Variants in NBAS observed in about 807,000 individuals in gnomAD.
NBAS encodes the protein NAG/BC035112 fusion.
Under a neutral mutation model 302.5 loss-of-function variants are expected in NBAS, and 219 were observed. The observed-to-expected ratio is 0.72, with a 90% confidence interval of 0.65 to 0.81. The LOEUF is 0.81. NBAS is among the 30% of genes least tolerant of loss of function. The pLI, the probability that NBAS is intolerant of heterozygous loss-of-function variation, is 0.00. For missense variants in NBAS, 2,932 were observed against 2,841.6 expected (o/e 1.03, Z -0.72); for synonymous variants, 1,118 against 1,021.6 (o/e 1.09, Z -1.80).
the NBAS span, among the ~76,000 whole-genome samples, chr2:14,874,746 A>G: frequency 6.8e-6 from 1 of 146,328 alleles, no homozygotes; most frequent in African/African-American, 2.7e-5. Flanking sequence ...ATAGATGTAA[A>G]AATTCTTACT....
At chr2:15,451,855 T>A (rs1679031345) in intron 21 of NBAS, among the ~76,000 whole-genome samples, 1 of 152,136 alleles carries the variant, frequency 6.6e-6, no homozygotes, top group South Asian at 2.1e-4. Flanking sequence ...TAATCTCCCA[T>A]CTCAAACTAG....
At chr2:15,222,730 T>C (rs1667001559) in intron 47 of NBAS, among the ~76,000 whole-genome samples, 2 of 152,190 alleles carry the variant, frequency 1.3e-5, no homozygotes, top group African/African-American at 4.8e-5. Flanking sequence ...GGCACCAATA[T>C]CTGAACTTGG....
chr2:15,324,843 T>C (rs1671990764), intron 38 of NBAS, among the ~76,000 whole-genome samples: 1 of 152,220 alleles, frequency 6.6e-6, no homozygotes, highest in African/African-American at 2.4e-5. Context: ...AGAACGTCAC[T>C]ATTTGCTTTA....
chr2:15,005,786 C>A, the NBAS span, among the ~76,000 whole-genome samples: 3 of 152,202 alleles, frequency 2.0e-5, no homozygotes, highest in Non-Finnish European at 2.9e-5. Flanking sequence ...TTCCATATTG[C>A]AGCTACCTGA....
chr2:15,114,268 T>C, the NBAS span, among the ~76,000 whole-genome samples: 1 of 152,124 alleles, frequency 6.6e-6, no homozygotes, highest in Non-Finnish European at 1.5e-5. Flanking sequence ...AAATTCAAGA[T>C]CAAAATGTTG....
At chr2:15,160,389 G>A in the NBAS span, among the ~76,000 whole-genome samples, 16 of 152,296 alleles carry the variant, frequency 1.1e-4, no homozygotes, top group East Asian at 5.8e-4. Flanking sequence ...AGATCCCTAC[G>A]CATGGACACA....
rs1665043390 is a variant in NBAS, at chr2:15,185,724, G to A, written c.6711+1018C>T. On this transcript the variant is annotated intron_variant, in intron 50 of 51. Coordinates refer to ENST00000281513, the MANE Select transcript of NBAS (RefSeq NM_015909.4). ...TGGTACTTTATTTTGTAGAATAATTGTGTCATTCTGGTAGTTGGAAGACTT... is the reference window on the plus strand; with the variant it reads ...TGGTACTTTATTTTGTAGAATAATTATGTCATTCTGGTAGTTGGAAGACTT... Among the ~76,000 whole-genome samples the A allele has an allele frequency of 1.3e-5, 2 of 152,052 alleles. 1 individual carries two copies. Among genetic ancestry groups the A allele is most frequent in the South Asian group, 4.1e-4 (2 of 4,826 alleles).
chr2:14,941,615 T>A, the NBAS span, among the ~76,000 whole-genome samples: 2 of 152,206 alleles, frequency 1.3e-5, no homozygotes, highest in African/African-American at 2.4e-5. Context: ...ACAGGGTGAC[T>A]GCTGTTCAGG....
At chr2:15,290,459 A>G (rs1191707671) in intron 41 of NBAS, among the ~76,000 whole-genome samples, 2 of 152,244 alleles carry the variant, frequency 1.3e-5, no homozygotes, top group Non-Finnish European at 1.5e-5. Context: ...TGCTTAACAA[A>G]GAAAATAAAG....
In NBAS at chr2:15,238,363, T is replaced by C; in HGVS notation, c.5943+105A>G. The C allele has an allele frequency of 2.7e-6, 3 of 1,129,414 alleles. No homozygotes were observed. In the South Asian group the frequency reaches 4.2e-5, roughly 16 times the overall value. 70.0% of individuals were successfully genotyped at this position (1,129,414 alleles called of 1,614,324 possible). A position where few individuals can be genotyped will look rare whatever the true frequency, so the allele number is the denominator to read the frequency against. Reference sequence around the variant, plus strand: ...GGCTTGCGGACAATTTTCAAGGATATCTGCAAGCCTGAAAACCCTGTCAAA... The same window carrying C: ...GGCTTGCGGACAATTTTCAAGGATACCTGCAAGCCTGAAAACCCTGTCAAA... On this transcript the variant is annotated intron_variant, in intron 45 of 51. Coordinates refer to ENST00000281513, the MANE Select transcript of NBAS (RefSeq NM_015909.4).
chr2:14,922,918 C>T, the NBAS span, among the ~76,000 whole-genome samples: 4 of 152,150 alleles, frequency 2.6e-5, no homozygotes, highest in Admixed American at 6.5e-5. Flanking sequence ...TTTGGGAGGC[C>T]GAGGTGGGTG....
the NBAS span, among the ~76,000 whole-genome samples, chr2:14,831,526 A>G: frequency 1.6e-4 from 25 of 152,274 alleles, no homozygotes; most frequent in African/African-American, 6.0e-4. Context: ...AATATATTAC[A>G]TAGTCATGCA....
rs1354701658 is a variant in NBAS at position 15,383,200 on chromosome 2, T to C, written c.3360+15A>G. ...TGTTAAATTAAAAAAAAATCGTATATGGTTCTAGAGTTACCTCATAGCAGG... is the reference window on the plus strand; with the variant it reads ...TGTTAAATTAAAAAAAAATCGTATACGGTTCTAGAGTTACCTCATAGCAGG... On this transcript the variant is annotated intron_variant, in intron 29 of 51. Transcript: ENST00000281513. The C allele has an allele frequency of 6.3e-7, 1 of 1,598,798 alleles. No individual in the cohort carries two copies. Among genetic ancestry groups the C allele is most frequent in the Non-Finnish European group, 8.6e-7 (1 of 1,167,630 alleles).
the NBAS span, among the ~76,000 whole-genome samples, chr2:14,949,162 C>T: frequency 6.6e-6 from 1 of 152,128 alleles, no homozygotes; most frequent in African/African-American, 2.4e-5. Flanking sequence ...AGGGAAAACA[C>T]TCCAGGACAC....
the NBAS span, among the ~76,000 whole-genome samples, chr2:14,883,477 T>G: frequency 2.0e-5 from 3 of 152,194 alleles, no homozygotes; most frequent in African/African-American, 7.2e-5. Flanking sequence ...GAAGGAGCTC[T>G]GAACTTGAAA....
chr2:14,789,044 C>A, the NBAS span, among the ~76,000 whole-genome samples: 2 of 152,206 alleles, frequency 1.3e-5, no homozygotes, highest in African/African-American at 4.8e-5. Flanking sequence ...TGGCGGGCGC[C>A]CCTCCCCCAG....
intron 47 of NBAS, among the ~76,000 whole-genome samples, chr2:15,226,634 C>G (rs940373051): frequency 6.6e-6 from 1 of 152,168 alleles, no homozygotes; most frequent in African/African-American, 2.4e-5. Flanking sequence ...ACTCAACTCT[C>G]ATGTCTAGAG....
chr2:14,842,796 A>C, the NBAS span, among the ~76,000 whole-genome samples: 1 of 151,892 alleles, frequency 6.6e-6, no homozygotes, highest in Admixed American at 6.6e-5. Context: ...AATACTTCCA[A>C]ACACATTCTA....
intron 21 of NBAS, among the ~76,000 whole-genome samples, chr2:15,430,385 G>GATA (rs1677701558): frequency 6.6e-6 from 1 of 152,048 alleles, no homozygotes; most frequent in African/African-American, 2.4e-5. Flanking sequence ...CAATGATGAT[G>GATA]ATAATAATAG....
Sources: allele counts gnomAD v4.1 joint callset (sites outside exome capture counted in the v4.1 genomes callset), GRCh38; gene constraint gnomAD v4.1.1; transcripts MANE v1.5; gene names NCBI Gene and HGNC (gene_info 2026-07-23, HGNC 2026-07-21).